TMCO6: variants seen among roughly 807,000 people sequenced by gnomAD.
TMCO6 encodes transmembrane and coiled-coil domain-containing protein 6.
In TMCO6, 47 loss-of-function variants were observed where a neutral mutation model predicts 61.8. That is an observed-to-expected ratio of 0.76 (90% confidence interval 0.60 to 0.97). The LOEUF is 0.97. Ranked by LOEUF, TMCO6 falls within the 50% of genes least tolerant of loss-of-function variation. TMCO6 has a pLI of 0.00. For missense variants in TMCO6, 557 were observed against 601.6 expected (o/e 0.93, Z 0.78); for synonymous variants, 261 against 254.2 (o/e 1.03, Z -0.25).
chr5:140,630,315 A>AT, the TMCO6 span, among the ~76,000 whole-genome samples: 33 of 136,018 alleles, frequency 2.4e-4, no homozygotes, highest in South Asian at 2.0e-3. Flanking sequence ...CTTTAAAAAA[A>AT]ATTTTTTTTT....
At chr5:140,610,015 G>A in the TMCO6 span, among the ~76,000 whole-genome samples, 1 of 151,798 alleles carries the variant, frequency 6.6e-6, no homozygotes. Flanking sequence ...TGGGACTACA[G>A]GTGCAAGCCA....
the TMCO6 span, among the ~76,000 whole-genome samples, chr5:140,627,393 C>A: frequency 6.6e-6 from 1 of 152,138 alleles, no homozygotes; most frequent in African/African-American, 2.4e-5. Context: ...GTAAGTTGAA[C>A]AATGATCATA....
chr5:140,641,867 T>C lies in TMCO6; in HGVS notation c.315-3T>C, dbSNP rs143761293. Reference sequence around the variant, plus strand: ...AGCAGGGCTCTGGTACTCACTCACATAGGCTGGAGGGCAGCATGCGGACCC... The same window carrying C: ...AGCAGGGCTCTGGTACTCACTCACACAGGCTGGAGGGCAGCATGCGGACCC... On this transcript the variant is annotated splice_region_variant and splice_polypyrimidine_tract_variant and intron_variant, in intron 3 of 11. Coordinates refer to ENST00000394671, the MANE Select transcript of TMCO6 (RefSeq NM_018502.5). 1.0e-4 allele frequency: 169 copies of C among 1,613,042 alleles called. 1 individual carries two copies. The East Asian group carries it at 2.9e-3, about 27-fold the overall frequency.
chr5:140,635,033 C>G (rs201471389), upstream of TMCO6, among the ~76,000 whole-genome samples: 1 of 151,096 alleles, frequency 6.6e-6, no homozygotes, highest in Non-Finnish European at 1.5e-5. Context: ...TCACCTGCCT[C>G]GGCCTCCCAA....
the TMCO6 span, among the ~76,000 whole-genome samples, chr5:140,631,301 G>A: frequency 6.6e-6 from 1 of 152,070 alleles, no homozygotes; most frequent in Non-Finnish European, 1.5e-5. Flanking sequence ...TGAGTGGTAA[G>A]GGAGACAGAC....
rs970704349 is a variant in TMCO6, at chr5:140,643,129, CTA to C, written c.806+91_806+92del. 61 of 1,570,248 alleles carry C rather than the reference CTA, an allele frequency of 3.9e-5. No homozygotes were observed. In the African/African-American group the frequency reaches 7.8e-4, roughly 20 times the overall value. ...CTCTTTGAACTTGTGTCTGGAATTG[CTA>C]TAGTGAGTTTTCCTCCCTCCACTGT... is the stretch of plus-strand genomic sequence containing the variant. On this transcript the variant is annotated intron_variant, in intron 7 of 11. Transcript: ENST00000394671.
At chr5:140,620,600 A>C in the TMCO6 span, among the ~76,000 whole-genome samples, 5 of 152,162 alleles carry the variant, frequency 3.3e-5, 1 homozygote, top group African/African-American at 1.2e-4. Flanking sequence ...GGTTGTCGAT[A>C]ATGAGGGAGG....
At chr5:140,630,002 T>C in the TMCO6 span, among the ~76,000 whole-genome samples, 1 of 152,026 alleles carries the variant, frequency 6.6e-6, no homozygotes, top group African/African-American at 2.4e-5. Flanking sequence ...GCTCCCTTTT[T>C]TTTTTGAGAC....
At chr5:140,647,346 G>A (rs768546550), downstream of TMCO6, 21 of 1,608,948 alleles carry the variant, frequency 1.3e-5, no homozygotes, top group Admixed American at 3.3e-5. Context: ...TCCACGTAGC[G>A]TTTCTCAATG....
chr5:140,600,541 C>T, the TMCO6 span, among the ~76,000 whole-genome samples: 1 of 151,656 alleles, frequency 6.6e-6, no homozygotes, highest in African/African-American at 2.4e-5. Context: ...TCTCGGCTCA[C>T]TGCAACCTTC....
At chr5:140,615,282 C>A in the TMCO6 span, among the ~76,000 whole-genome samples, 1 of 152,266 alleles carries the variant, frequency 6.6e-6, no homozygotes, top group Admixed American at 6.5e-5. Flanking sequence ...CAAAATGTTT[C>A]TCAGAGAAAT....
rs1757211633 is a variant in TMCO6, at chr5:140,643,915, A to G, written c.1054A>G (p.Lys352Glu). 2.5e-6 allele frequency: 4 copies of G among 1,614,178 alleles called. No individual in the cohort carries two copies. The East Asian group carries it at 6.7e-5, about 27-fold the overall frequency. The change falls in exon 9 of 12, where the codon AAA becomes GAA. Residue 352 changes from lysine (K) to glutamate (E), a missense_variant. By Grantham distance (56) the Lys-to-Glu change is moderately conservative. Coordinates refer to ENST00000394671, the MANE Select transcript of TMCO6 (RefSeq NM_018502.5). ...LFILLQFFFQ[K>E]QPSLLPEGLW... ...TATCCTTCTGCAGTTCTTTTTCCAG[A>G]AACAGCCCAGTCTGCTCCCTGAGGG...
the TMCO6 span, among the ~76,000 whole-genome samples, chr5:140,626,233 C>CTT: frequency 1.5e-4 from 22 of 149,296 alleles, no homozygotes; most frequent in South Asian, 2.1e-4. Context: ...GCCCAGTCTT[C>CTT]TTTTTTTTTT....
At chr5:140,623,369 C>A in the TMCO6 span, among the ~76,000 whole-genome samples, 1 of 151,326 alleles carries the variant, frequency 6.6e-6, no homozygotes, top group South Asian at 2.1e-4. Context: ...GTCTTTGTTT[C>A]TCACTTCTGT....
the TMCO6 span, among the ~76,000 whole-genome samples, chr5:140,628,909 A>G: frequency 9.9e-5 from 15 of 152,222 alleles, no homozygotes; most frequent in Non-Finnish European, 1.8e-4. Flanking sequence ...TAGTGCCTAC[A>G]GTGTAGATAC....
chr5:140,598,092 T>C, the TMCO6 span, among the ~76,000 whole-genome samples: 1 of 152,214 alleles, frequency 6.6e-6, no homozygotes, highest in Non-Finnish European at 1.5e-5. Context: ...GATTCTCCCT[T>C]GGCCCCCTCA....
chr5:140,626,708 G>A, the TMCO6 span, among the ~76,000 whole-genome samples: 1 of 152,088 alleles, frequency 6.6e-6, no homozygotes, highest in Non-Finnish European at 1.5e-5. Flanking sequence ...ATGCCACCAT[G>A]TCATGCTAAT....
At chr5:140,631,984 G>A in the TMCO6 span, 1 of 1,613,886 alleles carries the variant, frequency 6.2e-7, no homozygotes, top group Non-Finnish European at 8.5e-7. Context: ...GCAGTTCCAG[G>A]GACCAGGAAG....
the TMCO6 span, chr5:140,631,705 A>C: frequency 1.4e-6 from 1 of 717,020 alleles, no homozygotes; most frequent in African/African-American, 1.8e-5. Flanking sequence ...CATCCAATAA[A>C]GGTCTGTTAA....
Sources: allele counts gnomAD v4.1 joint callset (sites outside exome capture counted in the v4.1 genomes callset), GRCh38; gene constraint gnomAD v4.1.1; transcripts MANE v1.5; gene names NCBI Gene and HGNC (gene_info 2026-07-23, HGNC 2026-07-21).